Variants in LCMT1 observed in about 807,000 individuals in gnomAD.
The protein encoded by LCMT1 is leucine carboxyl methyltransferase 1.
Under a neutral mutation model 47.7 loss-of-function variants are expected in LCMT1, and 32 were observed. The ratio of observed to expected loss-of-function variants is 0.67; its 90% CI spans 0.51 to 0.90. The LOEUF (loss-of-function observed/expected upper bound fraction) is 0.90. LCMT1 is among the 40% of genes least tolerant of loss of function. The pLI is 0.00. For missense variants in LCMT1, 375 were observed against 415.2 expected (o/e 0.90, Z 0.84); for synonymous variants, 152 against 149.7 (o/e 1.02, Z -0.11).
intron 1 of LCMT1, among the ~76,000 whole-genome samples, chr16:25,119,785 A>G (rs1227465848): frequency 6.6e-6 from 1 of 152,072 alleles, no homozygotes; most frequent in Non-Finnish European, 1.5e-5. Flanking sequence ...AATATTTTCA[A>G]GGCAGGTGCT....
chr16:25,159,617 A>G (rs1032350463), intron 5 of LCMT1, among the ~76,000 whole-genome samples: 3 of 152,202 alleles, frequency 2.0e-5, no homozygotes, highest in African/African-American at 7.2e-5. Context: ...CCTGGGGCCA[A>G]CTTTGGGTTC....
intron 1 of LCMT1, among the ~76,000 whole-genome samples, chr16:25,123,663 A>G (rs1318379130): frequency 8.1e-6 from 1 of 123,720 alleles, no homozygotes; most frequent in Non-Finnish European, 1.6e-5. Flanking sequence ...GCTGGAGTGC[A>G]GTGGCGCAAT....
intron 1 of LCMT1, among the ~76,000 whole-genome samples, chr16:25,114,831 G>A (rs752105009): frequency 5.9e-5 from 9 of 152,132 alleles, no homozygotes; most frequent in South Asian, 2.1e-4. Context: ...TGTGTCTCCC[G>A]CGTCTCATTC....
chr16:25,125,764 G>A (rs180776572), intron 1 of LCMT1, among the ~76,000 whole-genome samples: 15 of 151,784 alleles, frequency 9.9e-5, no homozygotes, highest in South Asian at 2.1e-4. Context: ...ACTGGAAGGC[G>A]GGGGTTGCAG....
At chr16:25,120,324 A>G (rs1959933228) in intron 1 of LCMT1, among the ~76,000 whole-genome samples, 1 of 151,258 alleles carries the variant, frequency 6.6e-6, no homozygotes, top group Non-Finnish European at 1.5e-5. Flanking sequence ...CCCGGGTTCA[A>G]GTGATTCTCC....
At chr16:25,128,144 G>C (rs1960242642) in intron 1 of LCMT1, among the ~76,000 whole-genome samples, 1 of 152,208 alleles carries the variant, frequency 6.6e-6, no homozygotes, top group Admixed American at 6.5e-5. Context: ...TGAGTTTGCA[G>C]AGTGAATAAA....
At chr16:25,169,769 G>A (rs1961697030) in intron 8 of LCMT1, among the ~76,000 whole-genome samples, 1 of 151,650 alleles carries the variant, frequency 6.6e-6, no homozygotes, top group Admixed American at 6.6e-5. Context: ...TTTTTTTATA[G>A]TTGATGTGTT....
chr16:25,131,663 A>G (rs1455184599), intron 2 of LCMT1, among the ~76,000 whole-genome samples: 2 of 152,220 alleles, frequency 1.3e-5, no homozygotes, highest in Non-Finnish European at 2.9e-5. Context: ...GAGCACAGAC[A>G]GACCTTGTGA....
At chr16:25,151,707 G>GTGTGTT in intron 5 of LCMT1, 92 bp downstream of exon 5, 1 of 765,212 alleles carries the variant, frequency 1.3e-6, no homozygotes, top group Non-Finnish European at 2.2e-6. Flanking sequence ...GTGTGTGTGT[G>GTGTGTT]TGTGTGTGTG....
At chr16:25,146,355 C>G (rs1404499235) in intron 4 of LCMT1, 3 of 152,494 alleles carry the variant, frequency 2.0e-5, no homozygotes. Flanking sequence ...CATCTGAAAG[C>G]TTGGTGAGGA....
Position 25,116,779 on chromosome 16 carries a change from T to C in LCMT1, c.113+4783T>C, listed in dbSNP as rs946604150. ...GTCGCGGTGCATGCCAGTAGTCCCA[T>C]CTACTTTGGGGCTGGTGTGGGAGAT... is the stretch of plus-strand genomic sequence containing the variant. On this transcript the variant is annotated intron_variant, in intron 1 of 10. Transcript: ENST00000399069. Among the ~76,000 whole-genome samples, 4 of 150,454 alleles carry C rather than the reference T, an allele frequency of 2.7e-5. 1 individual carries two copies. The highest frequency in any genetic ancestry group is 7.1e-3 in the Middle Eastern group (2 of 280).
chr16:25,169,048 A>G (rs1961670887), intron 7 of LCMT1, 64 bp from the exon 8 acceptor site: 3 of 1,129,078 alleles, frequency 2.7e-6, no homozygotes, highest in Non-Finnish European at 4.0e-6. Flanking sequence ...AGGATGAATG[A>G]TGTTTTATTT....
chr16:25,126,188 A>T (rs1290614790), intron 1 of LCMT1: 1 of 1,318,930 alleles, frequency 7.6e-7, no homozygotes, highest in Non-Finnish European at 1.0e-6. Context: ...GTGTGTTTGC[A>T]TTATGGACCC....
At position 25,178,116 on chromosome 16, in the gene LCMT1, C is replaced by T. The variant is rs771501315; in HGVS notation, c.*93C>T. The T allele has an allele frequency of 9.4e-6, 11 of 1,175,020 alleles. No individual in the cohort carries two copies. The highest frequency in any genetic ancestry group is 3.9e-4 in the Middle Eastern group (2 of 5,162). The allele number at this position is 1,175,020 out of a possible 1,614,324, so 72.8% of individuals were successfully genotyped here. On this transcript the variant is annotated 3_prime_UTR_variant, in exon 11 of 11. Coordinates refer to ENST00000399069, the MANE Select transcript of LCMT1 (RefSeq NM_016309.3). ...CCCTGAGCGGTGGGCGGGCCTCGTC[C>T]GCAGGTCTCATCCCACACTCTTGAG... is the stretch of plus-strand genomic sequence containing the variant.
At chr16:25,165,075 G>A (rs1961546639) in intron 7 of LCMT1, among the ~76,000 whole-genome samples, 2 of 147,958 alleles carry the variant, frequency 1.4e-5, no homozygotes, top group Non-Finnish European at 3.0e-5. Flanking sequence ...AGTGGAGGAA[G>A]TCAGCCAGGT....
At chr16:25,135,404 A>ACAAAT (rs1960476483) in intron 3 of LCMT1, among the ~76,000 whole-genome samples, 1 of 152,108 alleles carries the variant, frequency 6.6e-6, no homozygotes, top group South Asian at 2.1e-4. Context: ...TTTTATTGGA[A>ACAAAT]GGCAGCCACT....
At chr16:25,134,982 A>G (rs1178490291) in intron 3 of LCMT1, among the ~76,000 whole-genome samples, 6 of 152,146 alleles carry the variant, frequency 3.9e-5, no homozygotes, top group South Asian at 2.1e-4. Context: ...AGAATGTGCT[A>G]TGTCAGTGTT....
At position 25,161,155 on chromosome 16, in the gene LCMT1, G is replaced by A; in HGVS notation, c.520G>A (p.Asp174Asn). The A allele has an allele frequency of 1.2e-6, 2 of 1,610,926 alleles. No homozygotes were observed. Among genetic ancestry groups the A allele is most frequent in the South Asian group, 2.2e-5 (2 of 90,332 alleles). The part of the protein sequence containing the change: ...RYAVIGADLR[D>N]LSELEEKLKK... ...TGCCGTTATTGGAGCAGATCTCCGA[G>A]ACCTGTCTGAACTGGAAGAGAAGCT... Residue 174 changes from aspartate (D) to asparagine (N), a missense_variant, in exon 6 of 11, where the codon GAC becomes AAC. Physicochemically the swap from Asp to Asn is conservative, Grantham distance 23. Transcript: ENST00000399069.
At chr16:25,132,858 C>CTTTT (rs34311865) in intron 3 of LCMT1, among the ~76,000 whole-genome samples, 1 of 140,610 alleles carries the variant, frequency 7.1e-6, no homozygotes, top group African/African-American at 2.7e-5. Context: ...GCATTTGTAA[C>CTTTT]TTTTTTTTTT....
Sources: gnomAD v4.1 joint callset for allele counts (sites outside exome capture counted in the v4.1 genomes callset) on GRCh38, gnomAD v4.1.1 for gene constraint, MANE v1.5 for transcripts, NCBI Gene and HGNC (gene_info 2026-07-23, HGNC 2026-07-21) for gene names.